Variants in ASAP1 observed in about 807,000 individuals in gnomAD.
ASAP1 encodes ArfGAP with SH3 domain, ankyrin repeat and PH domain 1.
Under a neutral mutation model 145.2 loss-of-function variants are expected in ASAP1, and 43 were observed. The observed-to-expected ratio is 0.30, with a 90% CI of 0.23 to 0.38. The LOEUF (loss-of-function observed/expected upper bound fraction) is 0.38, where lower values mean the gene tolerates loss of function less well. Ranked by LOEUF, ASAP1 falls within the 10% of genes least tolerant of loss-of-function variation. ASAP1 has a pLI of 1.00. For synonymous variants in ASAP1, 546 were observed against 515.5 expected, an observed-to-expected ratio of 1.06 and a Z score of -0.80; for missense variants, 1,018 against 1,355.3, an observed-to-expected ratio of 0.75 and a Z score of 3.91.
At chr8:130,412,890 C>T (rs1206402726) in intron 1 of ASAP1, among the ~76,000 whole-genome samples, 1 of 152,136 alleles carries the variant, frequency 6.6e-6, no homozygotes, top group African/African-American at 2.4e-5. Flanking sequence ...GTGATCCACC[C>T]ACCTCGGCCT....
chr8:130,268,284 G>C (rs183925552), intron 3 of ASAP1, among the ~76,000 whole-genome samples: 20 of 152,040 alleles, frequency 1.3e-4, no homozygotes, highest in African/African-American at 4.6e-4. Flanking sequence ...CCAGGAGCTC[G>C]AGACCAGCCT....
Position 130,187,273 on chromosome 8 carries a change from G to C in ASAP1, c.493C>G (p.Pro165Ala). The change falls in exon 7 of 30, where the codon CCA becomes GCA. Residue 165 changes from proline (P) to alanine (A), a missense_variant. This residue lies in a region of ASAP1 where 78 missense variants were observed against 161.0 expected (regional missense o/e 0.48). Coordinates refer to ENST00000518721, the MANE Select transcript of ASAP1 (RefSeq NM_018482.4). Reference sequence around the variant, plus strand: ...TAATCTTTCCAGGCTTTGTCAAATGGCTTCTTGAGATCCTTAGAAACGAGA... The same window carrying C: ...TAATCTTTCCAGGCTTTGTCAAATGCCTTCTTGAGATCCTTAGAAACGAGA... ...LKGVKGDLKKPFDKAWKDYET... is the reference protein window; with the variant it reads ...LKGVKGDLKKAFDKAWKDYET... 1 of 1,609,926 alleles carries C rather than the reference G, an allele frequency of 6.2e-7. No homozygotes were observed. Among genetic ancestry groups the C allele is most frequent in the Non-Finnish European group, 8.5e-7 (1 of 1,178,848 alleles).
chr8:130,429,458 CA>C (rs1287794606), intron 1 of ASAP1, among the ~76,000 whole-genome samples: 2 of 152,150 alleles, frequency 1.3e-5, no homozygotes, highest in East Asian at 3.9e-4. Context: ...TGACAGGTAA[CA>C]AAACTAAGGC....
chr8:130,148,210 T>C (rs55705977), intron 13 of ASAP1, among the ~76,000 whole-genome samples: 4,026 of 140,396 alleles, frequency 0.029, 64 homozygotes, highest in Middle Eastern at 0.052. Flanking sequence ...AACAACAATC[T>C]GGCAGCTGAG....
intron 7 of ASAP1, 25 bp from the exon 8 acceptor site, chr8:130,180,905 T>A: frequency 6.6e-7 from 1 of 1,509,606 alleles, no homozygotes; most frequent in Non-Finnish European, 8.8e-7. Flanking sequence ...AATGTCATTA[T>A]TTAAAAAAAA....
intron 1 of ASAP1, among the ~76,000 whole-genome samples, chr8:130,414,936 T>G (rs2138664606): frequency 6.6e-6 from 1 of 152,274 alleles, no homozygotes; most frequent in South Asian, 2.1e-4. Context: ...TTTTGTACTT[T>G]TAGTAGAGAC....
chr8:130,397,934 T>C (rs896283065), intron 2 of ASAP1, among the ~76,000 whole-genome samples: 4 of 152,206 alleles, frequency 2.6e-5, no homozygotes, highest in African/African-American at 9.6e-5. Flanking sequence ...GACCTTTGTA[T>C]CCCAGGCATC....
At chr8:130,144,721 A>C (rs2097623020) in intron 13 of ASAP1, among the ~76,000 whole-genome samples, 1 of 152,222 alleles carries the variant, frequency 6.6e-6, no homozygotes, top group African/African-American at 2.4e-5. Flanking sequence ...GAAAAAGATA[A>C]GTAGTGATTA....
intron 3 of ASAP1, among the ~76,000 whole-genome samples, chr8:130,245,970 A>G (rs1001293728): frequency 6.6e-6 from 1 of 152,154 alleles, no homozygotes; most frequent in Non-Finnish European, 1.5e-5. Context: ...AGTGGTTCCC[A>G]AGCCTCATCT....
chr8:130,069,407 G>T (rs2135164510), intron 27 of ASAP1: 2 of 152,118 alleles, frequency 1.3e-5, no homozygotes, highest in African/African-American at 2.4e-5. Flanking sequence ...GGCTAATTTT[G>T]TGTATTTTAT....
intron 3 of ASAP1, among the ~76,000 whole-genome samples, chr8:130,340,218 G>A (rs1303052482): frequency 6.6e-6 from 1 of 152,184 alleles, no homozygotes; most frequent in Non-Finnish European, 1.5e-5. Context: ...CCACACATCT[G>A]TGTGAAAAAG....
chr8:130,406,475 CTTT>C (rs200416384), intron 1 of ASAP1, among the ~76,000 whole-genome samples: 10 of 138,182 alleles, frequency 7.2e-5, no homozygotes, highest in Non-Finnish European at 9.5e-5. Flanking sequence ...TACTTTAGTT[CTTT>C]TTTTTTTTTT....
Position 130,092,067 on chromosome 8 carries a change from C to G in ASAP1, c.2478G>C (p.Arg826Ser). Reference protein sequence around the residue: ...SSGSSTLSKKRPPPPPPGHKR... With the variant: ...SSGSSTLSKKSPPPPPPGHKR... ...TGTGTCCGGGTGGTGGGGGAGGAGG[C>G]CTCTTCTTGGATAGGGTGGAGCTGC... The change falls in exon 25 of 30, where the codon AGG becomes AGC. Residue 826 changes from arginine (R) to serine (S), a missense_variant. This residue lies in a region of ASAP1 where 353 missense variants were observed against 375.4 expected (regional missense o/e 0.94). Coordinates refer to ENST00000518721, the MANE Select transcript of ASAP1 (RefSeq NM_018482.4). 1 of 1,569,700 alleles carries G rather than the reference C, an allele frequency of 6.4e-7. No homozygotes were observed. The highest frequency in any genetic ancestry group is 8.6e-7 in the Non-Finnish European group (1 of 1,162,978).
chr8:130,105,635 T>C (rs993703082), intron 24 of ASAP1, among the ~76,000 whole-genome samples: 8 of 152,184 alleles, frequency 5.3e-5, no homozygotes, highest in Admixed American at 3.9e-4. Flanking sequence ...AAAGCTTAAG[T>C]TAATTACTTT....
intron 5 of ASAP1, among the ~76,000 whole-genome samples, chr8:130,211,558 C>T (rs75206357): frequency 0.02 from 2,979 of 152,240 alleles, 45 homozygotes; most frequent in East Asian, 0.053. Flanking sequence ...TTTCTTACAT[C>T]GAACAAATAA....
intron 3 of ASAP1, among the ~76,000 whole-genome samples, chr8:130,307,545 T>A (rs1412647887): frequency 6.6e-6 from 1 of 152,032 alleles, no homozygotes; most frequent in African/African-American, 2.4e-5. Context: ...CTGCCTCTAG[T>A]TTTTCTCTTA....
chr8:130,345,004 G>T (rs2137969450), intron 3 of ASAP1, among the ~76,000 whole-genome samples: 1 of 152,226 alleles, frequency 6.6e-6, no homozygotes, highest in African/African-American at 2.4e-5. Context: ...AAGTGAAGGG[G>T]GAGACTGGTT....
At chr8:130,094,861 C>G (rs1327423229) in intron 24 of ASAP1, among the ~76,000 whole-genome samples, 1 of 152,204 alleles carries the variant, frequency 6.6e-6, no homozygotes, top group Non-Finnish European at 1.5e-5. Context: ...GGTTCTCTAG[C>G]AATTTCATCT....
intron 27 of ASAP1, among the ~76,000 whole-genome samples, chr8:130,064,684 C>T (rs2097426586): frequency 6.6e-6 from 1 of 152,112 alleles, no homozygotes; most frequent in African/African-American, 2.4e-5. Flanking sequence ...ACACCATCTA[C>T]CTGGAGACAG....
Sources: gnomAD v4.1 joint callset for allele counts (sites outside exome capture counted in the v4.1 genomes callset) on GRCh38, gnomAD v4.1.1 for gene constraint, gnomAD v4.1.1 regional missense constraint, MANE v1.5 for transcripts, NCBI Gene and HGNC (gene_info 2026-07-23, HGNC 2026-07-21) for gene names.